SFMBT1: variants seen among roughly 807,000 people sequenced by gnomAD.
The protein encoded by SFMBT1 is scm-like with four MBT domains protein 1.
A neutral mutation model predicts 108.7 loss-of-function variants in SFMBT1; 32 were observed. That is an observed-to-expected ratio of 0.29 (90% confidence interval 0.22 to 0.40). SFMBT1 has a LOEUF of 0.40. SFMBT1 is among the 10% of genes least tolerant of loss of function. The pLI is 1.00. For missense variants in SFMBT1, 816 were observed against 1,059.6 expected (o/e 0.77, Z 3.19); for synonymous variants, 348 against 369.5 (o/e 0.94, Z 0.67).
In SFMBT1 at chr3:52,964,379, T is replaced by C. The variant is rs552708526; in HGVS notation, c.28+4722A>G. 4.0e-4 allele frequency among the ~76,000 whole-genome samples: 61 copies of C among 152,192 alleles called. No homozygotes were observed. The Middle Eastern group carries it at 0.01, about 25-fold the overall frequency. ...AAAATTAAAAAATTGCTGGGGATGA[T>C]GGCATGTGCCTGTGTTCCCAGCTAC... On this transcript the variant is annotated intron_variant, in intron 2 of 20. Coordinates refer to ENST00000394752, the MANE Select transcript of SFMBT1 (RefSeq NM_016329.4).
chr3:52,931,085 T>C (rs771549085), intron 6 of SFMBT1, 50 bp from the exon 7 acceptor site: 2 of 1,535,754 alleles, frequency 1.3e-6, no homozygotes, highest in Non-Finnish European at 1.8e-6. Flanking sequence ...ACTTATACTT[T>C]TTACCTGTCC....
At chr3:52,927,526 T>TA (rs905356598) in intron 9 of SFMBT1, among the ~76,000 whole-genome samples, 4 of 152,184 alleles carry the variant, frequency 2.6e-5, no homozygotes, top group Non-Finnish European at 4.4e-5. Flanking sequence ...TTGCTAATAT[T>TA]AAAAAATCAG....
chr3:52,961,992 T>C (rs1201366997), intron 2 of SFMBT1, among the ~76,000 whole-genome samples: 1 of 151,848 alleles, frequency 6.6e-6, no homozygotes, highest in East Asian at 1.9e-4. Flanking sequence ...TATATGAGAG[T>C]TTATTAAAGA....
intron 1 of SFMBT1, among the ~76,000 whole-genome samples, chr3:52,984,025 G>A (rs1476283666): frequency 6.6e-6 from 1 of 152,214 alleles, no homozygotes; most frequent in Non-Finnish European, 1.5e-5. Context: ...TCTAGGACAG[G>A]AGAAGTGAAA....
chr3:52,931,500 A>T (rs958226156), intron 6 of SFMBT1, among the ~76,000 whole-genome samples: 3 of 152,146 alleles, frequency 2.0e-5, no homozygotes, highest in African/African-American at 7.2e-5. Context: ...TCTATGAGGT[A>T]TATCAATATG....
At chr3:52,956,703 G>C (rs188116805) in intron 2 of SFMBT1, among the ~76,000 whole-genome samples, 1 of 152,166 alleles carries the variant, frequency 6.6e-6, no homozygotes, top group African/African-American at 2.4e-5. Context: ...GGAGGTTGCC[G>C]TGAGCCGAGG....
At chr3:52,928,567 CATATACATAT>C (rs1392635437) in intron 8 of SFMBT1, 31 of 265,352 alleles carry the variant, frequency 1.2e-4, no homozygotes, top group African/African-American at 2.5e-4. Flanking sequence ...GAGGTAAGTA[CATATACATAT>C]ATATACATAT....
intron 1 of SFMBT1, among the ~76,000 whole-genome samples, chr3:52,973,033 AAAAG>A (rs1265221756): frequency 3.3e-5 from 5 of 152,154 alleles, no homozygotes; most frequent in East Asian, 1.9e-4. Context: ...AAAAAGGAAA[AAAAG>A]AAAGAGTTAT....
At chr3:52,939,403 C>G (rs567691158) in intron 4 of SFMBT1, among the ~76,000 whole-genome samples, 92 of 152,068 alleles carry the variant, frequency 6.0e-4, no homozygotes, top group Middle Eastern at 3.4e-3. Context: ...GTGAAACCCC[C>G]TCTCAACTAA....
At chr3:52,997,108 T>C (rs1262102959) in intron 1 of SFMBT1, among the ~76,000 whole-genome samples, 1 of 148,536 alleles carries the variant, frequency 6.7e-6, no homozygotes, top group Admixed American at 6.8e-5. Context: ...AAGCTAAACA[T>C]AGACTTATCA....
At chr3:53,007,574 C>T (rs1698791296) in intron 1 of SFMBT1, among the ~76,000 whole-genome samples, 1 of 152,140 alleles carries the variant, frequency 6.6e-6, no homozygotes, top group African/African-American at 2.4e-5. Flanking sequence ...AAAGCAGCAG[C>T]TTGAAGGGCC....
chr3:53,037,481 T>C (rs1366830986), intron 1 of SFMBT1, among the ~76,000 whole-genome samples: 1 of 152,192 alleles, frequency 6.6e-6, no homozygotes, highest in Non-Finnish European at 1.5e-5. Flanking sequence ...TAAGTGCAAC[T>C]ATAACTTGAT....
chr3:53,044,685 A>T (rs919023475), intron 1 of SFMBT1, among the ~76,000 whole-genome samples: 1 of 152,250 alleles, frequency 6.6e-6, no homozygotes, highest in Non-Finnish European at 1.5e-5. Flanking sequence ...GCAGGGATTG[A>T]CAAAATCCAT....
At chr3:52,976,703 G>T (rs929397053) in intron 1 of SFMBT1, among the ~76,000 whole-genome samples, 1 of 152,172 alleles carries the variant, frequency 6.6e-6, no homozygotes, top group South Asian at 2.1e-4. Context: ...TATCTCCAGC[G>T]TATATAGCAG....
chr3:52,908,462 A>G (rs1450128839), intron 17 of SFMBT1, among the ~76,000 whole-genome samples: 1 of 152,178 alleles, frequency 6.6e-6, no homozygotes, highest in Non-Finnish European at 1.5e-5. Context: ...TGGTTGTACC[A>G]GTGCTATTTG....
At chr3:53,040,330 A>T (rs10510762) in intron 1 of SFMBT1, among the ~76,000 whole-genome samples, 7,859 of 152,308 alleles carry the variant, frequency 0.052, 259 homozygotes, top group Non-Finnish European at 0.077. Context: ...TTTAAATTGA[A>T]TATCAGCAAG....
chr3:52,931,356 A>T (rs1256827105), intron 6 of SFMBT1, among the ~76,000 whole-genome samples: 1 of 152,160 alleles, frequency 6.6e-6, no homozygotes, highest in Non-Finnish European at 1.5e-5. Context: ...GTAACTCTAG[A>T]AATACCAATA....
chr3:53,034,592 A>G (rs1699805231), intron 1 of SFMBT1, among the ~76,000 whole-genome samples: 1 of 151,978 alleles, frequency 6.6e-6, no homozygotes, highest in African/African-American at 2.4e-5. Flanking sequence ...AAATAAATTA[A>G]TTAATTAAAA....
At chr3:52,950,585 C>T (rs1037292407) in intron 3 of SFMBT1, among the ~76,000 whole-genome samples, 13 of 152,118 alleles carry the variant, frequency 8.5e-5, no homozygotes, top group South Asian at 2.1e-4. Context: ...AGCAATTCTC[C>T]CGTCTCAGCC....
Sources: gnomAD v4.1 joint callset for allele counts (sites outside exome capture counted in the v4.1 genomes callset) on GRCh38, gnomAD v4.1.1 for gene constraint, MANE v1.5 for transcripts, NCBI Gene and HGNC (gene_info 2026-07-23, HGNC 2026-07-21) for gene names.